The following ST8SIA6 variants were observed in gnomAD, a reference collection of about 807,000 sequenced individuals.
ST8SIA6 encodes ST8 alpha-N-acetyl-neuraminide alpha-2,8-sialyltransferase 6.
Under a neutral mutation model 33.6 loss-of-function variants are expected in ST8SIA6, and 39 were observed. The observed-to-expected ratio is 1.16, with a 90% CI of 0.90 to 1.52. The LOEUF (loss-of-function observed/expected upper bound fraction) is 1.52. Ranked by LOEUF, ST8SIA6 falls within the 40% of genes most tolerant of loss-of-function variation. The pLI, the probability that ST8SIA6 is intolerant of heterozygous loss-of-function variation, is 0.00. For missense variants in ST8SIA6, 441 were observed against 443.8 expected, an observed-to-expected ratio of 0.99 and a Z score of 0.06; for synonymous variants, 172 against 167.2, an observed-to-expected ratio of 1.03 and a Z score of -0.22.
intron 4 of ST8SIA6, among the ~76,000 whole-genome samples, chr10:17,333,708 TATATATA>T (rs1848397382): frequency 3.0e-5 from 1 of 33,870 alleles, no homozygotes. Flanking sequence ...TATATATATA[TATATATA>T]TATTTTTTTT....
intron 4 of ST8SIA6, among the ~76,000 whole-genome samples, chr10:17,357,949 A>G (rs1849252620): frequency 6.6e-6 from 1 of 152,138 alleles, no homozygotes; most frequent in Admixed American, 6.6e-5. Context: ...TGACCCTGTG[A>G]TCATTTAGGT....
At chr10:17,355,887 T>C (rs1022311979) in intron 4 of ST8SIA6, among the ~76,000 whole-genome samples, 1 of 152,210 alleles carries the variant, frequency 6.6e-6, no homozygotes, top group Non-Finnish European at 1.5e-5. Flanking sequence ...TTGAATCTTA[T>C]TGCCTTTCTT....
intron 5 of ST8SIA6, 150 bp downstream of exon 5, chr10:17,331,258 T>G (rs912342469): frequency 3.4e-6 from 3 of 889,620 alleles, no homozygotes; most frequent in Non-Finnish European, 4.8e-6. Flanking sequence ...AAAATGGCCC[T>G]TTTAAAAAAT....
rs939428616 is a variant in ST8SIA6, at chr10:17,321,163, C to G, written c.912G>C (p.Leu304=). ...TTCTCCAGAAAAGGGCCAGATCTTT[C>G]AGGTACTTGGGATGGAAAAATAGAA... ...QKVLFFHPKY[L]KDLALFWRTK... Residue 304 remains leucine, a synonymous_variant, in exon 8 of 8, where the codon CTG becomes CTC. Transcript: ENST00000377602. 3 of 1,613,944 alleles carry G rather than the reference C, an allele frequency of 1.9e-6. No individual in the cohort carries two copies. Among genetic ancestry groups the G allele is most frequent in the Non-Finnish European group, 1.7e-6 (2 of 1,179,990 alleles).
chr10:17,356,170 A>G (rs1022238213), intron 4 of ST8SIA6, among the ~76,000 whole-genome samples: 16 of 152,002 alleles, frequency 1.1e-4, no homozygotes, highest in African/African-American at 1.4e-4. Flanking sequence ...TCATGCATCC[A>G]TTTCTTTAAT....
rs199508692 is a variant in ST8SIA6, at chr10:17,448,595, A to ATTGTTG, written c.200+4958_200+4963dup. Among the ~76,000 whole-genome samples, 514 of 129,794 alleles carry ATTGTTG rather than the reference A, an allele frequency of 4.0e-3. 2 individuals carry two copies. The highest frequency in any genetic ancestry group is 0.014 in the African/African-American group (395 of 27,868). 85.1% of individuals were successfully genotyped at this position (129,794 alleles called of 152,430 possible). ...CTTATGGCATTATGGCAGGGTTTTT[A>ATTGTTG]TTGTTGTTGTTGTTCTTGTTGTTGT... is the stretch of plus-strand genomic sequence containing the variant. On this transcript the variant is annotated intron_variant, in intron 2 of 7. Transcript: ENST00000377602.
At chr10:17,391,338 T>A (rs558287172) in intron 2 of ST8SIA6, among the ~76,000 whole-genome samples, 19 of 152,090 alleles carry the variant, frequency 1.2e-4, no homozygotes, top group Non-Finnish European at 2.4e-4. Context: ...CTCGACTCAC[T>A]GCAAGCTCCG....
Position 17,316,278 on chromosome 10 carries a change from T to G in ST8SIA6, c.*4600A>C, listed in dbSNP as rs1256990813. Among the ~76,000 whole-genome samples the G allele has an allele frequency of 8.5e-5, 13 of 152,082 alleles. No homozygotes were observed. The highest frequency in any genetic ancestry group is 1.6e-4 in the Non-Finnish European group (11 of 67,932). On this transcript the variant is annotated 3_prime_UTR_variant, in exon 8 of 8. Coordinates refer to ENST00000377602, the MANE Select transcript of ST8SIA6 (RefSeq NM_001004470.3). ...TTAAATGGCATTGTGCTAAAGCTTT[T>G]GTTTTCCCTTTATGCTAAATTTAAA...
intron 3 of ST8SIA6, among the ~76,000 whole-genome samples, chr10:17,381,479 A>T (rs74940251): frequency 1.4e-5 from 1 of 71,818 alleles, no homozygotes; most frequent in African/African-American, 5.4e-5. Flanking sequence ...AATTGGCTTT[A>T]AAAAAAAGTG....
At chr10:17,352,880 T>C (rs1180833819) in intron 4 of ST8SIA6, among the ~76,000 whole-genome samples, 3 of 152,100 alleles carry the variant, frequency 2.0e-5, no homozygotes, top group Non-Finnish European at 4.4e-5. Context: ...AAAATGGTCT[T>C]GATGCAGAGG....
At chr10:17,374,743 T>TAAAAAAAAA (rs1407078648) in intron 3 of ST8SIA6, among the ~76,000 whole-genome samples, 33 of 69,840 alleles carry the variant, frequency 4.7e-4, no homozygotes, top group African/African-American at 1.6e-3. Context: ...AATAAATAAA[T>TAAAAAAAAA]AAATAATAAA....
chr10:17,435,047 G>C (rs985015584), intron 2 of ST8SIA6, among the ~76,000 whole-genome samples: 3 of 152,134 alleles, frequency 2.0e-5, no homozygotes, highest in Admixed American at 1.3e-4. Context: ...TTACACTCAG[G>C]GGGATGCCAG....
chr10:17,404,970 G>A (rs756911490), intron 2 of ST8SIA6, among the ~76,000 whole-genome samples: 5 of 152,092 alleles, frequency 3.3e-5, no homozygotes, highest in Non-Finnish European at 7.3e-5. Flanking sequence ...TTGTGTCCAG[G>A]GGAGAGGCAA....
At chr10:17,333,777 A>G (rs1848412660) in intron 4 of ST8SIA6, among the ~76,000 whole-genome samples, 1 of 123,720 alleles carries the variant, frequency 8.1e-6, no homozygotes, top group Non-Finnish European at 1.6e-5. Flanking sequence ...GTTGGAGTGC[A>G]GCGGCACAAT....
chr10:17,426,865 G>A (rs780893408), intron 2 of ST8SIA6, among the ~76,000 whole-genome samples: 25 of 152,216 alleles, frequency 1.6e-4, no homozygotes, highest in Non-Finnish European at 3.5e-4. Flanking sequence ...ACTTTGGGAG[G>A]CAGAGGTGGG....
At chr10:17,393,246 G>T (rs1312917394) in intron 2 of ST8SIA6, among the ~76,000 whole-genome samples, 1 of 152,166 alleles carries the variant, frequency 6.6e-6, no homozygotes, top group Non-Finnish European at 1.5e-5. Context: ...CTACGCCACT[G>T]GCTTTCCTGG....
At chr10:17,440,626 G>A (rs11254598) in intron 2 of ST8SIA6, among the ~76,000 whole-genome samples, 7 of 151,954 alleles carry the variant, frequency 4.6e-5, no homozygotes, top group South Asian at 2.1e-4. Context: ...TGCACTCTCC[G>A]TGTTCTAAAA....
intron 4 of ST8SIA6, among the ~76,000 whole-genome samples, chr10:17,340,988 C>T (rs567792224): frequency 9.9e-5 from 15 of 152,228 alleles, no homozygotes; most frequent in East Asian, 1.9e-4. Flanking sequence ...TGTGCAGCTA[C>T]GGGAGGCAAG....
intron 5 of ST8SIA6, among the ~76,000 whole-genome samples, chr10:17,330,654 C>T (rs1848270643): frequency 2.6e-5 from 4 of 152,098 alleles, no homozygotes; most frequent in Admixed American, 2.6e-4. Context: ...TAGTATACTG[C>T]ACATATAGAG....
Sources: allele counts gnomAD v4.1 joint callset (sites outside exome capture counted in the v4.1 genomes callset), GRCh38; gene constraint gnomAD v4.1.1; transcripts MANE v1.5; gene names NCBI Gene and HGNC (gene_info 2026-07-23, HGNC 2026-07-21).